Variants in HCN1 observed in about 807,000 individuals in gnomAD.
HCN1 encodes the protein potassium/sodium hyperpolarization-activated cyclic nucleotide-gated channel 1.
HCN1 carries 13 observed loss-of-function variants against 78.9 expected under a neutral mutation model. That is an observed-to-expected ratio of 0.16 (90% CI 0.11 to 0.26). The LOEUF (loss-of-function observed/expected upper bound fraction) is 0.26, where lower values mean the gene tolerates loss of function less well. Ranked by LOEUF, HCN1 falls within the 10% of genes least tolerant of loss-of-function variation. The probability of loss-of-function intolerance (pLI) is 1.00; values close to 1 mark genes in which losing one functional copy is unlikely to be tolerated. For missense variants in HCN1, 810 were observed against 1,154.3 expected (o/e 0.70, Z 4.32); for synonymous variants, 552 against 455.5 (o/e 1.21, Z -2.70).
intron 3 of HCN1, among the ~76,000 whole-genome samples, chr5:45,436,121 A>C (rs977333799): frequency 2.0e-5 from 3 of 152,226 alleles, no homozygotes; most frequent in Admixed American, 6.5e-5. Flanking sequence ...TATAGACAGC[A>C]CTTGTGTGCA....
At chr5:45,350,398 A>G (rs1296107125) in intron 5 of HCN1, among the ~76,000 whole-genome samples, 2 of 152,192 alleles carry the variant, frequency 1.3e-5, no homozygotes, top group African/African-American at 4.8e-5. Context: ...GCTATCTATG[A>G]CAAACCCACA....
At chr5:45,332,415 A>G (rs1012686955) in intron 5 of HCN1, among the ~76,000 whole-genome samples, 1 of 151,294 alleles carries the variant, frequency 6.6e-6, no homozygotes, top group African/African-American at 2.4e-5. Context: ...GTGCTGTTAA[A>G]TACTAGATCT....
At chr5:45,436,510 T>C (rs1352806723) in intron 3 of HCN1, among the ~76,000 whole-genome samples, 2 of 152,162 alleles carry the variant, frequency 1.3e-5, no homozygotes, top group Non-Finnish European at 2.9e-5. Flanking sequence ...AAAATAGTGA[T>C]AATTTAATGA....
intron 4 of HCN1, among the ~76,000 whole-genome samples, chr5:45,392,654 T>G (rs556604330): frequency 2.0e-5 from 3 of 151,958 alleles, no homozygotes; most frequent in Non-Finnish European, 4.4e-5. Flanking sequence ...CTGGCCAACA[T>G]GGTGAAACCC....
chr5:45,686,236 C>CT (rs879793814), intron 1 of HCN1, among the ~76,000 whole-genome samples: 174 of 143,074 alleles, frequency 1.2e-3, no homozygotes, highest in African/African-American at 2.8e-3. Context: ...TATGCCCAGT[C>CT]TTTTTTTTTT....
chr5:45,538,436 C>G (rs980083321), intron 2 of HCN1, among the ~76,000 whole-genome samples: 42 of 152,180 alleles, frequency 2.8e-4, no homozygotes, highest in Non-Finnish European at 5.3e-4. Flanking sequence ...ACTATTTATT[C>G]TACAATTCCT....
At position 45,492,131 on chromosome 5, in the gene HCN1, C is replaced by G. The variant is rs1161006019; in HGVS notation, c.850-30124G>C. On this transcript the variant is annotated intron_variant, in intron 2 of 7. Coordinates refer to ENST00000303230, the MANE Select transcript of HCN1 (RefSeq NM_021072.4). ...TCATATGTCATGAGTGTTACACCAGCTACTCCTACATCATGTCTAGCTATC... is the reference window on the plus strand; with the variant it reads ...TCATATGTCATGAGTGTTACACCAGGTACTCCTACATCATGTCTAGCTATC... Among the ~76,000 whole-genome samples, 3 of 152,132 alleles carry G rather than the reference C, an allele frequency of 2.0e-5. No individual in the cohort carries two copies. In the East Asian group the frequency reaches 5.8e-4, roughly 29 times the overall value.
At chr5:45,634,068 C>T (rs1301508094) in intron 2 of HCN1, among the ~76,000 whole-genome samples, 1 of 151,952 alleles carries the variant, frequency 6.6e-6, no homozygotes, top group Non-Finnish European at 1.5e-5. Context: ...AATAGGGCGG[C>T]AGGAAGACTT....
intron 4 of HCN1, among the ~76,000 whole-genome samples, chr5:45,395,509 G>T (rs976893267): frequency 1.3e-5 from 2 of 152,016 alleles, no homozygotes; most frequent in Non-Finnish European, 2.9e-5. Context: ...AAATATCTAG[G>T]TTCCCTTTCT....
At chr5:45,491,272 G>GT (rs1207684907) in intron 2 of HCN1, among the ~76,000 whole-genome samples, 2 of 151,856 alleles carry the variant, frequency 1.3e-5, no homozygotes, top group African/African-American at 4.8e-5. Context: ...CTCATACTTG[G>GT]TAAGTCTTAC....
chr5:45,309,693 C>A (rs991618500), intron 5 of HCN1, among the ~76,000 whole-genome samples: 5 of 152,112 alleles, frequency 3.3e-5, no homozygotes, highest in African/African-American at 1.2e-4. Flanking sequence ...GTTGAACCGA[C>A]CTTACATCCA....
intron 5 of HCN1, among the ~76,000 whole-genome samples, chr5:45,350,930 C>T (rs1192427009): frequency 8.5e-5 from 13 of 152,170 alleles, no homozygotes; most frequent in African/African-American, 2.6e-4. Context: ...GAATCAATAT[C>T]GTGAAAATGG....
At chr5:45,266,332 T>C (rs1744855800) in intron 7 of HCN1, among the ~76,000 whole-genome samples, 1 of 152,206 alleles carries the variant, frequency 6.6e-6, no homozygotes, top group Admixed American at 6.5e-5. Flanking sequence ...ACAAACATTT[T>C]ATTATGTCTC....
intron 2 of HCN1, chr5:45,644,387 T>C (rs1322532029): frequency 1.3e-5 from 2 of 152,154 alleles, no homozygotes; most frequent in Admixed American, 1.3e-4. Context: ...ACTTTGAAGA[T>C]AGGGATATGA....
intron 3 of HCN1, among the ~76,000 whole-genome samples, chr5:45,460,694 G>A (rs532136719): frequency 1.1e-3 from 170 of 150,116 alleles, no homozygotes; most frequent in African/African-American, 4.0e-3. Flanking sequence ...TGAAAGCATA[G>A]AAAAGACAAA....
rs999689317 is a variant in HCN1, at chr5:45,461,487, T to C, written c.1011+359A>G. Among the ~76,000 whole-genome samples the C allele has an allele frequency of 2.6e-5, 4 of 152,088 alleles. No homozygotes were observed. The East Asian group carries it at 7.7e-4, about 29-fold the overall frequency. ...TGTATGTCTTGAACCTAGTGAAAGCTAAAAAATGTTGATGAAATAAGGCGT... is the reference window on the plus strand; with the variant it reads ...TGTATGTCTTGAACCTAGTGAAAGCCAAAAAATGTTGATGAAATAAGGCGT... On this transcript the variant is annotated intron_variant, in intron 3 of 7. Transcript: ENST00000303230.
intron 3 of HCN1, among the ~76,000 whole-genome samples, chr5:45,397,374 T>A (rs1739706964): frequency 6.6e-6 from 1 of 152,116 alleles, no homozygotes; most frequent in South Asian, 2.1e-4. Flanking sequence ...AAGAACATCT[T>A]GGCTTATGTC....
At chr5:45,669,014 T>C (rs894614680) in intron 1 of HCN1, among the ~76,000 whole-genome samples, 10 of 151,842 alleles carry the variant, frequency 6.6e-5, no homozygotes, top group African/African-American at 1.7e-4. Flanking sequence ...TCATATTTAG[T>C]ATACCTAGAT....
chr5:45,572,801 C>T (rs1176357376), intron 2 of HCN1, among the ~76,000 whole-genome samples: 6 of 152,034 alleles, frequency 3.9e-5, no homozygotes, highest in Non-Finnish European at 8.8e-5. Flanking sequence ...AAGCCCTTCC[C>T]TTAATGGAGG....
Sources: allele counts gnomAD v4.1 joint callset (sites outside exome capture counted in the v4.1 genomes callset), GRCh38; gene constraint gnomAD v4.1.1; transcripts MANE v1.5; gene names NCBI Gene and HGNC (gene_info 2026-07-23, HGNC 2026-07-21).